The following DMD variants were observed in gnomAD, a reference collection of about 807,000 sequenced individuals.
The protein encoded by DMD is dystrophin, also known as mutant dystrophin.
A neutral mutation model predicts 330.1 loss-of-function variants in DMD; 63 were observed. That is an observed-to-expected ratio of 0.19 (90% CI 0.16 to 0.24). DMD has a LOEUF of 0.24. DMD is among the 10% of genes least tolerant of loss of function. The pLI, the probability that DMD is intolerant of heterozygous loss-of-function variation, is 1.00. For synonymous variants in DMD, 1,223 were observed against 959.8 expected (o/e 1.27, Z -5.07); for missense variants, 3,344 against 2,684.1 (o/e 1.25, Z -5.43).
intron 21 of DMD, among the ~76,000 whole-genome samples, chrX:32,483,319 T>G (rs2042103611): frequency 9.5e-6 from 1 of 105,094 alleles, no homozygotes; most frequent in Non-Finnish European, 2.0e-5. Context: ...TAAACAATCA[T>G]CGTTTGTAGG....
intron 51 of DMD, among the ~76,000 whole-genome samples, chrX:31,746,373 T>G (rs2087839901): frequency 8.9e-6 from 1 of 111,915 alleles, no homozygotes; most frequent in African/African-American, 3.2e-5. Context: ...ATGTGAAATT[T>G]GAATTATCAA....
chrX:31,235,005 G>A (rs774150666), intron 63 of DMD, among the ~76,000 whole-genome samples: 1 of 111,317 alleles, frequency 9.0e-6, no homozygotes, highest in South Asian at 3.8e-4. Flanking sequence ...ACGTCACATG[G>A]GGGATGGTGG....
chrX:31,216,433 A>C (rs2045415409), intron 64 of DMD, among the ~76,000 whole-genome samples: 1 of 112,620 alleles, frequency 8.9e-6, no homozygotes, highest in Non-Finnish European at 1.9e-5. Flanking sequence ...TATCTGTCAA[A>C]CCATATAAAC....
intron 51 of DMD, among the ~76,000 whole-genome samples, chrX:31,738,868 A>T (rs1226584536): frequency 8.9e-6 from 1 of 112,229 alleles, no homozygotes; most frequent in Non-Finnish European, 1.9e-5. Flanking sequence ...TGTGGGATTT[A>T]AAATTCAAAA....
chrX:32,659,376 T>A (rs920642763), intron 9 of DMD, among the ~76,000 whole-genome samples: 1 of 111,600 alleles, frequency 9.0e-6, no homozygotes, highest in Non-Finnish European at 1.9e-5. Flanking sequence ...GAAATCCCTA[T>A]GGGGGAACTA....
chrX:32,245,121 C>A (rs1312520279), intron 43 of DMD, among the ~76,000 whole-genome samples: 1 of 90,475 alleles, frequency 1.1e-5, no homozygotes, highest in African/African-American at 4.4e-5. Context: ...TTTAATCCAT[C>A]TTGAATTGAT....
At chrX:31,235,156 T>C (rs1399267905) in intron 63 of DMD, among the ~76,000 whole-genome samples, 3 of 111,983 alleles carry the variant, frequency 2.7e-5, no homozygotes, top group African/African-American at 9.7e-5. Flanking sequence ...GGCTGAAGTT[T>C]GATCAAGTAG....
In DMD at chrX:31,228,256, T is replaced by TAA. The variant is rs750444358; in HGVS notation, c.9287-5137_9287-5136dup. ...ATGTACCCTAAAACTTAAAGTATAA[T>TAA]AAAAAAAAAATAAAAAAATAAAAAA... On this transcript the variant is annotated intron_variant, in intron 63 of 78. Coordinates refer to ENST00000357033, the MANE Select transcript of DMD (RefSeq NM_004006.3). Among the ~76,000 whole-genome samples the TAA allele has an allele frequency of 1.3e-3, 83 of 61,853 alleles. 1 individual carries two copies. Among genetic ancestry groups the TAA allele is most frequent in the East Asian group, 2.3e-3 (5 of 2,208 alleles). 53.7% of individuals were successfully genotyped at this position (61,853 alleles called of 115,157 possible). A position where few individuals can be genotyped will look rare whatever the true frequency, so the allele number is the denominator to read the frequency against.
intron 2 of DMD, among the ~76,000 whole-genome samples, chrX:32,992,721 AC>A (rs979186340): frequency 1.8e-5 from 2 of 110,130 alleles, no homozygotes; most frequent in Non-Finnish European, 1.9e-5. Context: ...AGCCTGGTCA[AC>A]ATGGTGAAAC....
At chrX:32,732,076 TGGAGCTGAA>T (rs1038017766) in intron 7 of DMD, among the ~76,000 whole-genome samples, 21 of 111,467 alleles carry the variant, frequency 1.9e-4, no homozygotes, top group African/African-American at 6.9e-4. Context: ...AAGGAGCTGA[TGGAGCTGAA>T]AACCAAGGCT....
At chrX:31,627,917 A>T in intron 54 of DMD, 55 bp from the exon 55 acceptor site, 4 of 1,082,995 alleles carry the variant, frequency 3.7e-6, no homozygotes, top group Non-Finnish European at 5.1e-6. Flanking sequence ...TGGTGCACCT[A>T]GTGAACTCCA....
intron 6 of DMD, among the ~76,000 whole-genome samples, chrX:32,811,085 C>A (rs2077334875): frequency 9.2e-6 from 1 of 109,165 alleles, no homozygotes; most frequent in Non-Finnish European, 1.9e-5. Context: ...GTAAACCAAG[C>A]ACTTTGGGAG....
intron 62 of DMD, among the ~76,000 whole-genome samples, chrX:31,288,482 C>T (rs1283731620): frequency 8.9e-6 from 1 of 111,787 alleles, no homozygotes; most frequent in African/African-American, 3.3e-5. Flanking sequence ...CGTTGAGCCC[C>T]AGCTGACTAA....
chrX:33,110,006 T>C (rs2095327487), intron 1 of DMD, among the ~76,000 whole-genome samples: 1 of 111,522 alleles, frequency 9.0e-6, no homozygotes, highest in Non-Finnish European at 1.9e-5. Flanking sequence ...ATTGCCACAG[T>C]ACACTGCTCT....
intron 44 of DMD, among the ~76,000 whole-genome samples, chrX:32,018,521 C>T (rs1163566309): frequency 9.0e-6 from 1 of 111,594 alleles, no homozygotes; most frequent in Non-Finnish European, 1.9e-5. Context: ...TGACATACCA[C>T]TACTCTATCT....
At chrX:32,663,945 A>G (rs2061115568) in intron 9 of DMD, among the ~76,000 whole-genome samples, 1 of 111,513 alleles carries the variant, frequency 9.0e-6, no homozygotes, top group African/African-American at 3.3e-5. Context: ...AGAAACATAG[A>G]GAAAGGAGGA....
In DMD at chrX:31,864,675, G is replaced by A. The variant is rs145345277; in HGVS notation, c.7098+10513C>T. ...TGGCTAATTTTTTCTATTTTTAGTA[G>A]AGATGGGGTTTTGCTATATTGCCCA... On this transcript the variant is annotated intron_variant, in intron 48 of 78. Coordinates refer to ENST00000357033, the MANE Select transcript of DMD (RefSeq NM_004006.3). Among the ~76,000 whole-genome samples, 3 of 109,544 alleles carry A rather than the reference G, an allele frequency of 2.7e-5. No individual in the cohort carries two copies. In the Admixed American group the frequency reaches 2.9e-4, roughly 11 times the overall value.
chrX:32,093,736 AC>A (rs2096489525), intron 44 of DMD, among the ~76,000 whole-genome samples: 1 of 111,227 alleles, frequency 9.0e-6, no homozygotes, highest in African/African-American at 3.3e-5. Flanking sequence ...TGGGATGAAA[AC>A]AGCTTGTGCC....
chrX:32,419,693 A>G (rs1037585174), intron 29 of DMD, among the ~76,000 whole-genome samples: 2 of 112,364 alleles, frequency 1.8e-5, no homozygotes, highest in South Asian at 3.7e-4. Context: ...TTTCTTTACC[A>G]GGAAAGAATA....
Sources: gnomAD v4.1 joint callset for allele counts (sites outside exome capture counted in the v4.1 genomes callset) on GRCh38, gnomAD v4.1.1 for gene constraint, MANE v1.5 for transcripts, NCBI Gene and HGNC (gene_info 2026-07-23, HGNC 2026-07-21) for gene names.